Variants in SNTG1 observed in about 807,000 individuals in gnomAD.
SNTG1 encodes the protein syntrophin gamma 1, also known as gamma-1-syntrophin.
A neutral mutation model predicts 74.7 loss-of-function variants in SNTG1; 39 were observed. The ratio of observed to expected loss-of-function variants is 0.52; its 90% confidence interval spans 0.40 to 0.68. SNTG1 has a LOEUF of 0.68. SNTG1 is among the 30% of genes least tolerant of loss of function. The pLI, the probability that SNTG1 is intolerant of heterozygous loss-of-function variation, is 0.00. For synonymous variants in SNTG1, 254 were observed against 217.1 expected (o/e 1.17, Z -1.49); for missense variants, 685 against 609.5 (o/e 1.12, Z -1.30).
At position 50,795,757 on chromosome 8, in the gene SNTG1, G is replaced by A. The variant is rs1041499088; in HGVS notation, c.*2928G>A. 1 of 151,958 alleles carries A rather than the reference G, an allele frequency of 6.6e-6. No homozygotes were observed. Among genetic ancestry groups the A allele is most frequent in the African/African-American group, 2.4e-5 (1 of 41,388 alleles). The allele number at this position is 151,958 out of a possible 1,614,324, so 9.4% of individuals were successfully genotyped here. A position where few individuals can be genotyped will look rare whatever the true frequency, so the allele number is the denominator to read the frequency against. The stretch of plus-strand genomic sequence containing the variant: ...TAAAGAATAACAATTCATCTAAGTC[G>A]AAGTATATTACAGAAAGGGCATTTA... On this transcript the variant is annotated 3_prime_UTR_variant, in exon 19 of 19. Coordinates refer to ENST00000642720, the MANE Select transcript of SNTG1 (RefSeq NM_018967.5).
At position 50,794,440 on chromosome 8, in the gene SNTG1, C is replaced by T. The variant is rs2095699884; in HGVS notation, c.*1611C>T. 6.6e-6 allele frequency: 1 copy of T among 151,886 alleles called. No individual in the cohort carries two copies. The highest frequency in any genetic ancestry group is 1.5e-5 in the Non-Finnish European group (1 of 67,916). 9.4% of individuals were successfully genotyped at this position (151,886 alleles called of 1,614,324 possible). ...TGGGAAAATGTTAAACTGAATCTAA[C>T]ATACCTTACCCAAAGAACTGTGGCA... On this transcript the variant is annotated 3_prime_UTR_variant, in exon 19 of 19. Transcript: ENST00000642720.
chr8:50,568,797 G>C (rs2094530485), intron 12 of SNTG1: 1 of 152,082 alleles, frequency 6.6e-6, no homozygotes, highest in African/African-American at 2.4e-5. Flanking sequence ...TTTCTTTGCT[G>C]TGAGGAAGCC....
chr8:50,154,625 C>T (rs1478545258), intron 1 of SNTG1, among the ~76,000 whole-genome samples: 3 of 152,192 alleles, frequency 2.0e-5, no homozygotes, highest in African/African-American at 7.2e-5. Flanking sequence ...GAAAGATGCT[C>T]ATCTCTGTGA....
At chr8:50,059,967 A>G (rs1820336711) in intron 1 of SNTG1, among the ~76,000 whole-genome samples, 1 of 152,122 alleles carries the variant, frequency 6.6e-6, no homozygotes, top group South Asian at 2.1e-4. Flanking sequence ...TCCTACCTGC[A>G]GTAGATGAGT....
At chr8:50,401,236 G>A (rs2092801504) in intron 3 of SNTG1, among the ~76,000 whole-genome samples, 1 of 152,050 alleles carries the variant, frequency 6.6e-6, no homozygotes, top group South Asian at 2.1e-4. Context: ...TTTTGGTGCC[G>A]AATAAGAGCT....
intron 1 of SNTG1, among the ~76,000 whole-genome samples, chr8:50,049,523 A>T (rs187095972): frequency 7.2e-5 from 11 of 152,256 alleles, no homozygotes; most frequent in Non-Finnish European, 1.6e-4. Context: ...TTGTTAGGAT[A>T]ACTGGATGAA....
chr8:50,550,679 T>A (rs2094419761), intron 11 of SNTG1, among the ~76,000 whole-genome samples: 1 of 147,518 alleles, frequency 6.8e-6, no homozygotes, highest in Admixed American at 6.7e-5. Flanking sequence ...GATGTAATTT[T>A]TTTTAGTGTG....
Position 50,751,981 on chromosome 8 carries a change from G to GTT in SNTG1, c.1285-13_1285-12dup, listed in dbSNP as rs11429292. On this transcript the variant is annotated intron_variant, in intron 17 of 18. Coordinates refer to ENST00000642720, the MANE Select transcript of SNTG1 (RefSeq NM_018967.5). ...GATATTAATTCCACCGACTTACATT[G>GTT]TTTTTTTTCCCCCCTTTAGGCTGTC... 294 of 1,401,598 alleles carry GTT rather than the reference G, an allele frequency of 2.1e-4. No homozygotes were observed. The highest frequency in any genetic ancestry group is 4.6e-4 in the South Asian group (32 of 70,196). 86.8% of individuals were successfully genotyped at this position (1,401,598 alleles called of 1,614,324 possible).
At position 50,793,264 on chromosome 8, in the gene SNTG1, G is replaced by C. The variant is rs1366572226; in HGVS notation, c.*435G>C. 1.3e-5 allele frequency: 2 copies of C among 152,180 alleles called. No individual in the cohort carries two copies. The highest frequency in any genetic ancestry group is 2.9e-5 in the Non-Finnish European group (2 of 68,208). 9.4% of individuals were successfully genotyped at this position (152,180 alleles called of 1,614,324 possible). On this transcript the variant is annotated 3_prime_UTR_variant, in exon 19 of 19. Transcript: ENST00000642720. ...CAAATGCCCTATCTTGTATTATGAG[G>C]GACATAAAAGAGTTAAAAACCATAA... is the stretch of plus-strand genomic sequence containing the variant.
Position 50,784,917 on chromosome 8 carries a change from C to T in SNTG1, c.1396-7754C>T, listed in dbSNP as rs2095670352. Among the ~76,000 whole-genome samples the T allele has an allele frequency of 3.3e-5, 5 of 151,784 alleles. No homozygotes were observed. In the South Asian group the frequency reaches 1.0e-3, roughly 32 times the overall value. ...AACAAAAGAACAATTGAAACATATG[C>T]AAATATGAGGATATTAAAAGCAAAT... On this transcript the variant is annotated intron_variant, in intron 18 of 18. Coordinates refer to ENST00000642720, the MANE Select transcript of SNTG1 (RefSeq NM_018967.5).
intron 4 of SNTG1, among the ~76,000 whole-genome samples, chr8:50,413,947 A>G (rs2092983271): frequency 6.6e-6 from 1 of 152,206 alleles, no homozygotes; most frequent in Non-Finnish European, 1.5e-5. Context: ...AGTATTTTAC[A>G]TCACGATTAT....
intron 17 of SNTG1, among the ~76,000 whole-genome samples, chr8:50,710,683 T>A (rs2095459018): frequency 6.6e-6 from 1 of 152,210 alleles, no homozygotes; most frequent in Non-Finnish European, 1.5e-5. Context: ...TGGCTCTGTA[T>A]AATAAGGGAG....
intron 17 of SNTG1, among the ~76,000 whole-genome samples, chr8:50,725,548 A>G (rs2095498058): frequency 6.6e-6 from 1 of 152,150 alleles, no homozygotes; most frequent in African/African-American, 2.4e-5. Context: ...TACAAACTCT[A>G]CAGAATGGCC....
Position 50,147,209 on chromosome 8 carries a change from C to G in SNTG1, c.-102-25352C>G, listed in dbSNP as rs374677186. ...AAGAGTCATCTAGTAAATTTGAAAACAGGTCATTTAAGAAAAATCAACCAG... is the reference window on the plus strand; with the variant it reads ...AAGAGTCATCTAGTAAATTTGAAAAGAGGTCATTTAAGAAAAATCAACCAG... On this transcript the variant is annotated intron_variant, in intron 1 of 18. Coordinates refer to ENST00000642720, the MANE Select transcript of SNTG1 (RefSeq NM_018967.5). Among the ~76,000 whole-genome samples the G allele has an allele frequency of 7.2e-5, 11 of 152,208 alleles. No homozygotes were observed. In the South Asian group the frequency reaches 8.3e-4, roughly 11 times the overall value.
At chr8:50,783,141 AG>A (rs1002524778) in intron 18 of SNTG1, among the ~76,000 whole-genome samples, 2 of 152,170 alleles carry the variant, frequency 1.3e-5, no homozygotes, top group African/African-American at 4.8e-5. Flanking sequence ...CTCGGGGGTC[AG>A]GGGTCAGGGA....
intron 2 of SNTG1, among the ~76,000 whole-genome samples, chr8:50,228,780 G>C (rs1356004193): frequency 2.2e-4 from 33 of 151,682 alleles, no homozygotes; most frequent in Admixed American, 2.0e-3. Flanking sequence ...AATGTTAAAA[G>C]TTCTTCAGGG....
At chr8:50,487,046 G>T (rs1321860178) in intron 8 of SNTG1, among the ~76,000 whole-genome samples, 1 of 151,996 alleles carries the variant, frequency 6.6e-6, no homozygotes, top group African/African-American at 2.4e-5. Context: ...TGCTGGATTC[G>T]GTTTGCCAGA....
intron 2 of SNTG1, among the ~76,000 whole-genome samples, chr8:50,283,748 T>C (rs1312268982): frequency 1.3e-5 from 2 of 152,170 alleles, no homozygotes; most frequent in Non-Finnish European, 2.9e-5. Context: ...GCTGTTCTGG[T>C]TGAGAAAGTT....
At chr8:50,113,837 CA>C (rs769501436) in intron 1 of SNTG1, among the ~76,000 whole-genome samples, 1 of 151,840 alleles carries the variant, frequency 6.6e-6, no homozygotes, top group Non-Finnish European at 1.5e-5. Context: ...TGCAGCACAC[CA>C]ACATGGCACA....
Sources: allele counts gnomAD v4.1 joint callset (sites outside exome capture counted in the v4.1 genomes callset), GRCh38; gene constraint gnomAD v4.1.1; transcripts MANE v1.5; gene names NCBI Gene and HGNC (gene_info 2026-07-23, HGNC 2026-07-21).